The following EIF4B variants were observed in gnomAD, a reference collection of about 807,000 sequenced individuals.
EIF4B encodes the protein eukaryotic translation initiation factor 4B.
Under a neutral mutation model 79.3 loss-of-function variants are expected in EIF4B, and 8 were observed. The ratio of observed to expected loss-of-function variants is 0.10; its 90% CI spans 0.06 to 0.18. EIF4B has a LOEUF of 0.18. EIF4B is among the 10% of genes least tolerant of loss of function. The pLI is 1.00. For synonymous variants in EIF4B, 238 were observed against 274.7 expected, an observed-to-expected ratio of 0.87 and a Z score of 1.32; for missense variants, 515 against 792.4, an observed-to-expected ratio of 0.65 and a Z score of 4.20.
rs1210893432 is a variant in EIF4B at position 53,023,578 on chromosome 12, A to ATTTT, written c.667+970_667+973dup. 3.3e-3 allele frequency among the ~76,000 whole-genome samples: 365 copies of ATTTT among 109,198 alleles called. 10 individuals are homozygous for ATTTT. Among genetic ancestry groups the ATTTT allele is most frequent in the East Asian group, 0.019 (65 of 3,470 alleles). 71.6% of individuals were successfully genotyped at this position (109,198 alleles called of 152,430 possible). Reference sequence around the variant, plus strand: ...TTGTAGCAAACAATTAAAATGTAAAATTTTTTTTTTTTTTTTTTTTTTGAG... The same window carrying ATTTT: ...TTGTAGCAAACAATTAAAATGTAAAATTTTTTTTTTTTTTTTTTTTTTTTTTGAG... On this transcript the variant is annotated intron_variant, in intron 6 of 14. Transcript: ENST00000262056.
chr12:53,010,137 A>G (rs560048380), intron 1 of EIF4B, among the ~76,000 whole-genome samples: 19 of 152,238 alleles, frequency 1.2e-4, no homozygotes, highest in African/African-American at 4.1e-4. Context: ...TTGGGCACTT[A>G]TTTTGTTTGA....
At chr12:53,027,136 A>ATTTTTTTTTGTTTT (rs777111413) in intron 6 of EIF4B, among the ~76,000 whole-genome samples, 1 of 29,444 alleles carries the variant, frequency 3.4e-5, no homozygotes, top group Non-Finnish European at 1.2e-4. Flanking sequence ...AAAAAAAAAA[A>ATTTTTTTTTGTTTT]ATTTTTTTTT....
intron 6 of EIF4B, among the ~76,000 whole-genome samples, chr12:53,027,535 G>T (rs1943357544): frequency 6.6e-6 from 1 of 151,876 alleles, no homozygotes; most frequent in Non-Finnish European, 1.5e-5. Context: ...TTTGTTTTTT[G>T]TTTTTGCATG....
At chr12:53,020,956 G>C (rs1490566227) in intron 4 of EIF4B, among the ~76,000 whole-genome samples, 1 of 152,140 alleles carries the variant, frequency 6.6e-6, no homozygotes, top group African/African-American at 2.4e-5. Context: ...ATGTTTACTA[G>C]ATTAACTATT....
intron 4 of EIF4B, among the ~76,000 whole-genome samples, chr12:53,020,690 G>A (rs1943234053): frequency 6.6e-6 from 1 of 151,988 alleles, no homozygotes; most frequent in African/African-American, 2.4e-5. Context: ...GTCCTATTTT[G>A]CCATATGACA....
chr12:53,016,703 G>C, intron 2 of EIF4B, 93 bp downstream of exon 2: 1 of 1,466,960 alleles, frequency 6.8e-7, no homozygotes, highest in Non-Finnish European at 9.1e-7. Flanking sequence ...AATCTGAAAA[G>C]AACTTACTCA....
intron 1 of EIF4B, among the ~76,000 whole-genome samples, chr12:53,010,750 G>A (rs1479736302): frequency 1.3e-5 from 2 of 151,960 alleles, no homozygotes; most frequent in African/African-American, 2.4e-5. Context: ...GGGTTCAAGC[G>A]GTTCTAGAGA....
chr12:53,028,530 G>C (rs1943379414), intron 8 of EIF4B, among the ~76,000 whole-genome samples: 1 of 151,182 alleles, frequency 6.6e-6, no homozygotes. Flanking sequence ...ACTCCAGCCT[G>C]GGTGACAGAG....
At chr12:53,010,631 A>C (rs1943048637) in intron 1 of EIF4B, among the ~76,000 whole-genome samples, 1 of 152,138 alleles carries the variant, frequency 6.6e-6, no homozygotes, top group African/African-American at 2.4e-5. Context: ...CATTATTTAA[A>C]GTAGCTTTTG....
At position 53,027,916 on chromosome 12, in the gene EIF4B, A is replaced by G; in HGVS notation, c.802A>G (p.Arg268Gly). 1.9e-6 allele frequency: 3 copies of G among 1,613,988 alleles called. No homozygotes were observed. The highest frequency in any genetic ancestry group is 2.5e-6 in the Non-Finnish European group (3 of 1,179,888). Residue 268 changes from arginine (R) to glycine (G), a missense_variant, in exon 7 of 15, where the codon AGA (arginine) becomes GGA (glycine). Physicochemically the swap from Arg to Gly is moderately radical, Grantham distance 125 (BLOSUM62 -2). This residue lies in a region of EIF4B where 187 missense variants were observed against 256.5 expected (regional missense o/e 0.73). Transcript: ENST00000262056. ...TGACCGAGGCAGCAGAGACTATGAT[A>G]GAGGTAATTGTAAAACATGTCGAAT... ...YDDRGSRDYD[R>G]GYDSRIGSGR...
chr12:53,015,830 T>C (rs1481562722), intron 1 of EIF4B, among the ~76,000 whole-genome samples: 1 of 151,352 alleles, frequency 6.6e-6, no homozygotes, highest in Admixed American at 6.6e-5. Flanking sequence ...CACAAAAAAT[T>C]AGCTGGGCAT....
Position 53,040,545 on chromosome 12 carries a change from A to G in EIF4B, c.*322A>G. 5.0e-6 allele frequency: 1 copy of G among 198,568 alleles called. No individual in the cohort carries two copies. The highest frequency in any genetic ancestry group is 1.0e-5 in the Non-Finnish European group (1 of 97,254). 12.3% of individuals were successfully genotyped at this position (198,568 alleles called of 1,614,324 possible). A position where few individuals can be genotyped will look rare whatever the true frequency, so the allele number is the denominator to read the frequency against. ...TCTCCATTTAGCAGAAATGGTAATGACAGTGATATAATGCCTGGAACCTGG... is the reference window on the plus strand; with the variant it reads ...TCTCCATTTAGCAGAAATGGTAATGGCAGTGATATAATGCCTGGAACCTGG... On this transcript the variant is annotated 3_prime_UTR_variant, in exon 15 of 15. Transcript: ENST00000262056.
chr12:53,010,622 ATTAT>A (rs1025372686), intron 1 of EIF4B, among the ~76,000 whole-genome samples: 1 of 152,116 alleles, frequency 6.6e-6, no homozygotes, highest in Non-Finnish European at 1.5e-5. Context: ...TTTGTTATTC[ATTAT>A]TTAAAGTAGC....
rs116074023 is a variant in EIF4B at position 53,030,904 on chromosome 12, C to G, written c.979+2716C>G. Among the ~76,000 whole-genome samples, 869 of 152,182 alleles carry G rather than the reference C, an allele frequency of 5.7e-3. 10 individuals are homozygous for G. Among genetic ancestry groups the G allele is most frequent in the African/African-American group, 0.02 (829 of 41,534 alleles). The stretch of plus-strand genomic sequence containing the variant: ...GAGGCTCAGATGTGGGCCTCATGTT[C>G]TCCTTGACTTCTGACCTTTTCCTCT... On this transcript the variant is annotated intron_variant, in intron 8 of 14. Coordinates refer to ENST00000262056, the MANE Select transcript of EIF4B (RefSeq NM_001417.7).
chr12:53,039,623 T>G lies in EIF4B; in HGVS notation c.1683-7T>G. 6.2e-7 allele frequency: 1 copy of G among 1,613,724 alleles called. No individual in the cohort carries two copies. The highest frequency in any genetic ancestry group is 8.5e-7 in the Non-Finnish European group (1 of 1,179,750). On this transcript the variant is annotated splice_polypyrimidine_tract_variant and splice_region_variant and intron_variant, in intron 13 of 14. Coordinates refer to ENST00000262056, the MANE Select transcript of EIF4B (RefSeq NM_001417.7). ...AAAGACATGGTTTTATGCTTACGTC[T>G]CTGCAGGAAAGATGGCAAAAAGGAT... is the stretch of plus-strand genomic sequence containing the variant.
intron 10 of EIF4B, 44 bp downstream of exon 10, chr12:53,034,753 T>G (rs780933210): frequency 6.2e-7 from 1 of 1,609,058 alleles, no homozygotes; most frequent in African/African-American, 1.3e-5. Context: ...CCGTTTTCCA[T>G]AAACTATCCA....
At chr12:53,017,960 G>A (rs1471201916) in intron 2 of EIF4B, among the ~76,000 whole-genome samples, 2 of 152,174 alleles carry the variant, frequency 1.3e-5, no homozygotes, top group Non-Finnish European at 2.9e-5. Flanking sequence ...TTCATGGACA[G>A]TGCTGTAGGA....
chr12:53,011,284 A>G (rs921736948), intron 1 of EIF4B, among the ~76,000 whole-genome samples: 1 of 152,184 alleles, frequency 6.6e-6, no homozygotes, highest in Non-Finnish European at 1.5e-5. Context: ...GGGGTTTAGT[A>G]TATTCAGAGA....
At chr12:53,038,089 C>A in intron 11 of EIF4B, 1 of 276,990 alleles carries the variant, frequency 3.6e-6, no homozygotes, top group Non-Finnish European at 6.8e-6. Flanking sequence ...CCATTGCACT[C>A]CAGCCTGGGC....
Sources: gnomAD v4.1 joint callset for allele counts (sites outside exome capture counted in the v4.1 genomes callset) on GRCh38, gnomAD v4.1.1 for gene constraint, gnomAD v4.1.1 regional missense constraint, MANE v1.5 for transcripts, NCBI Gene and HGNC (gene_info 2026-07-23, HGNC 2026-07-21) for gene names.